The following CMPK2 variants were observed in gnomAD, a reference collection of about 807,000 sequenced individuals.
CMPK2 encodes UMP-CMP kinase 2, mitochondrial.
A neutral mutation model predicts 33.4 loss-of-function variants in CMPK2; 32 were observed. The observed-to-expected ratio is 0.96, with a 90% CI of 0.72 to 1.29. The LOEUF (loss-of-function observed/expected upper bound fraction) is 1.29, where lower values mean the gene tolerates loss of function less well. CMPK2 is among the 50% of genes most tolerant of loss of function. The pLI is 0.00. For missense variants in CMPK2, 672 were observed against 616.0 expected (o/e 1.09, Z -0.96); for synonymous variants, 299 against 275.3 (o/e 1.09, Z -0.85).
At chr2:6,844,085 GCTT>G (rs1168982478), downstream of CMPK2, among the ~76,000 whole-genome samples, 1 of 152,172 alleles carries the variant, frequency 6.6e-6, no homozygotes, top group Admixed American at 6.5e-5. Context: ...GGTTGAGGTG[GCTT>G]CTTCTTGCTG....
At position 6,865,218 on chromosome 2, in the gene CMPK2, T is replaced by TGCGGGCGTGGTGCCTCCTG; in HGVS notation, c.460_478dup (p.His160ProfsTer79). On this transcript the variant is annotated frameshift_variant, in exon 1 of 5. Coordinates refer to ENST00000256722, the MANE Select transcript of CMPK2 (RefSeq NM_207315.4). LOFTEE classifies it high-confidence loss of function. ...CGGGTCGGCCTCGAACTCGCCCAAG[T>TGCGGGCGTGGTGCCTCCTG]GCGGGCGTGGTGCCTCCTGACAGGC... is the stretch of plus-strand genomic sequence containing the variant. 1 of 1,535,014 alleles carries TGCGGGCGTGGTGCCTCCTG rather than the reference T, an allele frequency of 6.5e-7. No homozygotes were observed. The highest frequency in any genetic ancestry group is 8.7e-7 in the Non-Finnish European group (1 of 1,146,316).
chr2:6,863,394 G>C (rs139562745), intron 2 of CMPK2, 70 bp downstream of exon 2: 1 of 1,360,172 alleles, frequency 7.4e-7, no homozygotes, highest in East Asian at 2.3e-5. Context: ...GGTTTTGCAG[G>C]AAGTATTTCT....
In CMPK2 at chr2:6,849,620, C is replaced by T; in HGVS notation, c.*230G>A. The T allele has an allele frequency of 7.6e-7, 1 of 1,322,712 alleles. No individual in the cohort carries two copies. Among genetic ancestry groups the T allele is most frequent in the South Asian group, 1.9e-5 (1 of 51,712 alleles). 81.9% of individuals were successfully genotyped at this position (1,322,712 alleles called of 1,614,324 possible). A position where few individuals can be genotyped will look rare whatever the true frequency, so the allele number is the denominator to read the frequency against. On this transcript the variant is annotated 3_prime_UTR_variant, in exon 5 of 5. Transcript: ENST00000256722. ...AATGTTTACTATGCCAGGAAGAAAG[C>T]AATCGCTGGCCTCTCACTGGAACAT...
Position 6,865,632 on chromosome 2 carries a change from AC to A in CMPK2, c.64del (p.Val22SerfsTer26). 1 of 1,361,190 alleles carries A rather than the reference AC, an allele frequency of 7.3e-7. No individual in the cohort carries two copies. The highest frequency in any genetic ancestry group is 9.4e-7 in the Non-Finnish European group (1 of 1,060,046). The allele number at this position is 1,361,190 out of a possible 1,614,324, so 84.3% of individuals were successfully genotyped here. A position where few individuals can be genotyped will look rare whatever the true frequency, so the allele number is the denominator to read the frequency against. On this transcript the variant is annotated frameshift_variant, in exon 1 of 5. Transcript: ENST00000256722. LOFTEE classifies it high-confidence loss of function. ...CGGCGGAGCCATGGCCCCAGCGCAG[AC>A]CCCGCGCCGCCCGAGCAGCGGCCCC... Reference protein sequence around the residue: ...LSGPLLGRRGVCAGAMAPPRR... With the variant: ...LSGPLLGRRGXCAGAMAPPRR...
Position 6,865,575 on chromosome 2 carries a change from G to C in CMPK2, c.122C>G (p.Thr41Ser). The C allele has an allele frequency of 7.3e-7, 1 of 1,378,944 alleles. No individual in the cohort carries two copies. The highest frequency in any genetic ancestry group is 3.0e-5 in the Admixed American group (1 of 33,642). The allele number at this position is 1,378,944 out of a possible 1,614,324, so 85.4% of individuals were successfully genotyped here. The change falls in exon 1 of 5, where the codon ACC becomes AGC. Residue 41 changes from threonine (T) to serine (S), a missense_variant. Coordinates refer to ENST00000256722, the MANE Select transcript of CMPK2 (RefSeq NM_207315.4). The stretch of plus-strand genomic sequence containing the variant: ...GGCGCCTAGGGCGAAGTGAGCCAGG[G>C]TGCAGTCGGGAAGCTCCAGGACGAA... ...RRFVLELPDC[T>S]LAHFALGADA...
Position 6,863,558 on chromosome 2 carries a change from T to C in CMPK2, c.696A>G (p.Glu232=). 6.2e-7 allele frequency: 1 copy of C among 1,614,026 alleles called. No individual in the cohort carries two copies. Among genetic ancestry groups the C allele is most frequent in the Non-Finnish European group, 8.5e-7 (1 of 1,179,932 alleles). ...VLEECTSFIP[E]ARAVLDLVDQ... is the part of the protein sequence containing the mutation. ...CGACCAGGTCAAGCACTGCCCGGGC[T>C]TCAGGAATAAAGGAGGTACACTGTA... The change falls in exon 2 of 5, where the codon GAA becomes GAG. Residue 232 remains glutamate, a synonymous_variant. Coordinates refer to ENST00000256722, the MANE Select transcript of CMPK2 (RefSeq NM_207315.4).
chr2:6,863,469 G>A lies in CMPK2; in HGVS notation c.785C>T (p.Ala262Val). The change falls in exon 2 of 5, where the codon GCC (alanine) becomes GTC (valine). Residue 262 changes from alanine (A) to valine (V), a missense_variant. Coordinates refer to ENST00000256722, the MANE Select transcript of CMPK2 (RefSeq NM_207315.4). ...AAAAGGTAATATTATCTTACCCGTG[G>A]CATCCAGTCCTTCGATGGCAACAAC... ...FQVVAIEGLDATGKTTVTQSV... is the reference protein window; with the variant it reads ...FQVVAIEGLDVTGKTTVTQSV... 2 of 1,612,614 alleles carry A rather than the reference G, an allele frequency of 1.2e-6. No individual in the cohort carries two copies. Among genetic ancestry groups the A allele is most frequent in the Non-Finnish European group, 1.7e-6 (2 of 1,178,700 alleles).
At chr2:6,854,809 T>A (rs951636010) in intron 3 of CMPK2, among the ~76,000 whole-genome samples, 3 of 152,082 alleles carry the variant, frequency 2.0e-5, no homozygotes, top group Non-Finnish European at 4.4e-5. Context: ...ATCCACTCAC[T>A]GAATCATCAT....
intron 4 of CMPK2, chr2:6,850,583 G>A: frequency 3.9e-6 from 1 of 258,750 alleles, no homozygotes; most frequent in Non-Finnish European, 6.0e-6. Context: ...CAAGTGAATT[G>A]GTCAAATCTC....
In CMPK2 at chr2:6,854,942, C is replaced by T. The variant is rs77318027; in HGVS notation, c.993-3259G>A. ...CAGTGGCCAGTGCTGCTTCAGGATC[C>T]GCAGGCATCCTAGGACATAATGGAC... is the stretch of plus-strand genomic sequence containing the variant. On this transcript the variant is annotated intron_variant, in intron 3 of 4. Transcript: ENST00000256722. 9.5e-3 allele frequency among the ~76,000 whole-genome samples: 1,437 copies of T among 151,852 alleles called. 14 individuals are homozygous for T. Among genetic ancestry groups the T allele is most frequent in the Middle Eastern group, 0.017 (5 of 290 alleles).
upstream of CMPK2, chr2:6,865,930 G>T (rs1190770745): frequency 1.5e-6 from 2 of 1,373,056 alleles, no homozygotes; most frequent in East Asian, 3.6e-5. Context: ...GCCGGCGCTC[G>T]GGAGCAGACG....
chr2:6,863,604 C>T (rs751996426), intron 1 of CMPK2, 26 bp from the exon 2 acceptor site: 11 of 1,567,502 alleles, frequency 7.0e-6, no homozygotes, highest in South Asian at 1.1e-5. Context: ...TATCCATCAG[C>T]AATGAAGCCA....
chr2:6,845,248 G>A (rs912350958), downstream of CMPK2, among the ~76,000 whole-genome samples: 1 of 152,058 alleles, frequency 6.6e-6, no homozygotes, highest in Admixed American at 6.5e-5. Context: ...TGGTAAAAAG[G>A]CCATGTCCTT....
chr2:6,845,437 G>A (rs971583426), downstream of CMPK2, among the ~76,000 whole-genome samples: 5 of 152,084 alleles, frequency 3.3e-5, no homozygotes, highest in African/African-American at 9.7e-5. Context: ...CAGGGTGGAG[G>A]GAAAGAGAGA....
upstream of CMPK2, chr2:6,866,363 TG>T: frequency 1.1e-6 from 1 of 882,092 alleles, no homozygotes. Flanking sequence ...TTCCCTCTCC[TG>T]TATCTTATCT....
rs773242606 is a variant in CMPK2, at chr2:6,851,512, G to T, written c.1164C>A (p.Gly388=). The part of the protein sequence containing the change: ...SPEERLQRLQ[G]RGMEKTREEA... ...CTTCCCTGGTCTTCTCCATGCCCCG[G>T]CCCTGCAGCCTCTGCAACCTCTCCT... The change falls in exon 4 of 5, where the codon GGC becomes GGA. Residue 388 remains glycine, a synonymous_variant. Coordinates refer to ENST00000256722, the MANE Select transcript of CMPK2 (RefSeq NM_207315.4). 2 of 1,614,092 alleles carry T rather than the reference G, an allele frequency of 1.2e-6. No homozygotes were observed. Among genetic ancestry groups the T allele is most frequent in the Non-Finnish European group, 1.7e-6 (2 of 1,180,054 alleles).
chr2:6,850,644 C>T (rs1353525999), intron 4 of CMPK2: 2 of 648,836 alleles, frequency 3.1e-6, no homozygotes, highest in South Asian at 6.9e-5. Context: ...AGACTGAAAC[C>T]GTACCTTCCT....
At chr2:6,861,816 T>A (rs1351871902) in intron 2 of CMPK2, among the ~76,000 whole-genome samples, 1 of 152,256 alleles carries the variant, frequency 6.6e-6, no homozygotes. Context: ...TTCTGTGCAA[T>A]CCCTTTCCAA....
At chr2:6,841,549 G>A (rs771059636) in intron 3 of CMPK2, among the ~76,000 whole-genome samples, 5 of 152,204 alleles carry the variant, frequency 3.3e-5, no homozygotes, top group Non-Finnish European at 7.3e-5. Context: ...TCCACTGACT[G>A]GAGACTGACA....
Sources: gnomAD v4.1 joint callset for allele counts (sites outside exome capture counted in the v4.1 genomes callset) on GRCh38, gnomAD v4.1.1 for gene constraint, MANE v1.5 for transcripts, NCBI Gene and HGNC (gene_info 2026-07-23, HGNC 2026-07-21) for gene names.